The following SYNJ2BP variants were observed in gnomAD, a reference collection of about 807,000 sequenced individuals.
SYNJ2BP encodes synaptojanin-2-binding protein.
A neutral mutation model predicts 16.9 loss-of-function variants in SYNJ2BP; 10 were observed. The observed-to-expected ratio is 0.59, with a 90% CI of 0.36 to 1.00. The LOEUF (loss-of-function observed/expected upper bound fraction) is 1.00. Among genes scored for constraint, SYNJ2BP ranks in the 50% least tolerant of loss-of-function variants. SYNJ2BP has a pLI of 0.01. For missense variants in SYNJ2BP, 162 were observed against 186.7 expected, an observed-to-expected ratio of 0.87 and a Z score of 0.77; for synonymous variants, 54 against 68.4, an observed-to-expected ratio of 0.79 and a Z score of 1.04.
At position 70,368,391 on chromosome 14, in the gene SYNJ2BP, TA is replaced by T. The variant is rs1887441509; in HGVS notation, c.*4599del. ...TCATGTAGTGAATATATTCAAGACA[TA>T]AATATGAGACAGAAAGGTCACTTCT... On this transcript the variant is annotated 3_prime_UTR_variant, in exon 4 of 4. Coordinates refer to ENST00000256366, the MANE Select transcript of SYNJ2BP (RefSeq NM_018373.3). 6.6e-6 allele frequency: 1 copy of T among 152,222 alleles called. No homozygotes were observed. Among genetic ancestry groups the T allele is most frequent in the African/African-American group, 2.4e-5 (1 of 41,458 alleles). 9.4% of individuals were successfully genotyped at this position (152,222 alleles called of 1,614,324 possible).
intron 1 of SYNJ2BP, among the ~76,000 whole-genome samples, chr14:70,396,175 G>A (rs1888089034): frequency 6.6e-6 from 1 of 152,082 alleles, no homozygotes; most frequent in African/African-American, 2.4e-5. Flanking sequence ...CTGACCAGCA[G>A]TGGCGCGATC....
intron 1 of SYNJ2BP, among the ~76,000 whole-genome samples, chr14:70,416,245 T>C (rs1888602670): frequency 6.6e-6 from 1 of 151,074 alleles, no homozygotes; most frequent in Non-Finnish European, 1.5e-5. Context: ...AAAAAATAAA[T>C]AAATAAATAA....
chr14:70,395,184 T>C (rs1888064241), intron 1 of SYNJ2BP, among the ~76,000 whole-genome samples: 1 of 152,182 alleles, frequency 6.6e-6, no homozygotes, highest in African/African-American at 2.4e-5. Flanking sequence ...GTTGTCAAGG[T>C]TCCTATTATT....
At chr14:70,412,129 C>T (rs1485267476) in intron 1 of SYNJ2BP, among the ~76,000 whole-genome samples, 2 of 152,144 alleles carry the variant, frequency 1.3e-5, no homozygotes, top group African/African-American at 4.8e-5. Flanking sequence ...TTGATATGCC[C>T]TCAGCTCTAT....
At chr14:70,376,177 C>T (rs1310112647) in intron 2 of SYNJ2BP, among the ~76,000 whole-genome samples, 2 of 152,210 alleles carry the variant, frequency 1.3e-5, no homozygotes. Context: ...TTGCCAGCTG[C>T]AACTGTAGAA....
intron 1 of SYNJ2BP, among the ~76,000 whole-genome samples, chr14:70,394,176 C>T (rs2140844724): frequency 6.6e-6 from 1 of 151,714 alleles, no homozygotes; most frequent in African/African-American, 2.4e-5. Flanking sequence ...ATATTCATAA[C>T]ACAACACCTC....
At chr14:70,408,396 C>T (rs1365032162) in intron 1 of SYNJ2BP, among the ~76,000 whole-genome samples, 1 of 152,196 alleles carries the variant, frequency 6.6e-6, no homozygotes, top group Non-Finnish European at 1.5e-5. Context: ...ATCGGACAGG[C>T]GTGGTGGCTT....
In SYNJ2BP at chr14:70,366,710, G is replaced by A. The variant is rs1463778325; in HGVS notation, c.*6281C>T. On this transcript the variant is annotated 3_prime_UTR_variant, in exon 4 of 4. Transcript: ENST00000256366. The stretch of plus-strand genomic sequence containing the variant: ...TCCGTGTGTCTTCTGTGTCTTCCAA[G>A]TTGCTACAGGGCTCTATTTGATCTG... The A allele has an allele frequency of 6.6e-6, 1 of 152,164 alleles. No homozygotes were observed. Among genetic ancestry groups the A allele is most frequent in the Admixed American group, 6.5e-5 (1 of 15,286 alleles). 9.4% of individuals were successfully genotyped at this position (152,164 alleles called of 1,614,324 possible).
intron 3 of SYNJ2BP, 115 bp from the exon 4 acceptor site, chr14:70,373,246 C>T: frequency 7.5e-7 from 1 of 1,327,504 alleles, no homozygotes; most frequent in Non-Finnish European, 1.0e-6. Flanking sequence ...AACTGTAACC[C>T]CCAGCAATAC....
At chr14:70,376,142 A>T (rs7153015) in intron 2 of SYNJ2BP, among the ~76,000 whole-genome samples, 151,841 of 152,332 alleles carry the variant, frequency 1, 75,676 homozygotes, top group East Asian at 1. Flanking sequence ...TACCACCCTA[A>T]CCTTTATATT....
chr14:70,404,290 A>C (rs1468716507), intron 1 of SYNJ2BP, among the ~76,000 whole-genome samples: 1 of 152,202 alleles, frequency 6.6e-6, no homozygotes, highest in Non-Finnish European at 1.5e-5. Flanking sequence ...TTAAAGACAA[A>C]CACAAAAAAA....
intron 2 of SYNJ2BP, among the ~76,000 whole-genome samples, chr14:70,378,953 C>T (rs10873232): frequency 0.85 from 129,353 of 152,116 alleles, 55,027 homozygotes; most frequent in East Asian, 0.93. Context: ...ATTGACTATT[C>T]CCTTGCCTGC....
intron 1 of SYNJ2BP, among the ~76,000 whole-genome samples, chr14:70,404,543 C>G (rs777781651): frequency 2.6e-5 from 4 of 152,076 alleles, no homozygotes; most frequent in Non-Finnish European, 5.9e-5. Context: ...TGTTAACAAA[C>G]AGATTGAGAA....
intron 1 of SYNJ2BP, among the ~76,000 whole-genome samples, chr14:70,413,055 T>A (rs1888523309): frequency 6.6e-6 from 1 of 152,234 alleles, no homozygotes; most frequent in Admixed American, 6.5e-5. Flanking sequence ...GGTAAACTGT[T>A]CAACCCTTGA....
chr14:70,375,195 C>A (rs1172777801), intron 3 of SYNJ2BP, among the ~76,000 whole-genome samples: 3 of 144,412 alleles, frequency 2.1e-5, no homozygotes, highest in African/African-American at 7.7e-5. Flanking sequence ...TCTTTTTTTT[C>A]TCTTTTTTTC....
At chr14:70,387,099 G>A (rs1252340112) in intron 2 of SYNJ2BP, among the ~76,000 whole-genome samples, 1 of 152,070 alleles carries the variant, frequency 6.6e-6, no homozygotes, top group African/African-American at 2.4e-5. Context: ...TTTTATTTAA[G>A]TCTAGCCCTT....
intron 2 of SYNJ2BP, among the ~76,000 whole-genome samples, chr14:70,384,901 T>C (rs1186541551): frequency 2.0e-5 from 3 of 152,206 alleles, no homozygotes; most frequent in Non-Finnish European, 4.4e-5. Context: ...AGTATCTTTA[T>C]AGCAGTGTGA....
At chr14:70,374,985 G>A (rs1887594887) in intron 3 of SYNJ2BP, among the ~76,000 whole-genome samples, 1 of 151,082 alleles carries the variant, frequency 6.6e-6, no homozygotes, top group Non-Finnish European at 1.5e-5. Flanking sequence ...GTCTCTCTAT[G>A]TTGCCCAGGC....
At chr14:70,396,312 T>C (rs1888093333) in intron 1 of SYNJ2BP, among the ~76,000 whole-genome samples, 1 of 152,106 alleles carries the variant, frequency 6.6e-6, no homozygotes, top group Admixed American at 6.6e-5. Context: ...AGAGACAGGG[T>C]TTCACCATGT....
Sources: allele counts gnomAD v4.1 joint callset (sites outside exome capture counted in the v4.1 genomes callset), GRCh38; gene constraint gnomAD v4.1.1; transcripts MANE v1.5; gene names NCBI Gene and HGNC (gene_info 2026-07-23, HGNC 2026-07-21).